The following LMNTD1 variants were observed in gnomAD, a reference collection of about 807,000 sequenced individuals.
The protein encoded by LMNTD1 is lamin tail domain containing 1, also known as lamin tail domain-containing protein 1.
A neutral mutation model predicts 50.9 loss-of-function variants in LMNTD1; 35 were observed. The observed-to-expected ratio is 0.69, with a 90% CI of 0.53 to 0.91. The LOEUF is 0.91. Ranked by LOEUF, LMNTD1 falls within the 40% of genes least tolerant of loss-of-function variation. LMNTD1 has a pLI of 0.00. For missense variants in LMNTD1, 470 were observed against 475.5 expected, an observed-to-expected ratio of 0.99 and a Z score of 0.11; for synonymous variants, 153 against 161.9, an observed-to-expected ratio of 0.94 and a Z score of 0.42.
chr12:25,549,580 TAAGA>T, intron 2 of LMNTD1, 34 bp from the exon 3 acceptor site: 3 of 1,224,690 alleles, frequency 2.4e-6, no homozygotes, highest in Non-Finnish European at 3.4e-6. Context: ...AATAAATAAA[TAAGA>T]AAGTAAAAGT....
Position 25,553,276 on chromosome 12 carries a change from A to G in LMNTD1, c.-238T>C. The G allele has an allele frequency of 6.9e-7, 1 of 1,443,374 alleles. No homozygotes were observed. The highest frequency in any genetic ancestry group is 1.5e-5 in the South Asian group (1 of 66,428). The allele number at this position is 1,443,374 out of a possible 1,614,324, so 89.4% of individuals were successfully genotyped here. A position where few individuals can be genotyped will look rare whatever the true frequency, so the allele number is the denominator to read the frequency against. ...GCAGTAACTTGGCAAAGAGACCTTT[A>G]TGACTACAGTTGTTGCTTCTGGCCA... On this transcript the variant is annotated 5_prime_UTR_variant, in exon 1 of 10. Transcript: ENST00000458174.
intron 8 of LMNTD1, among the ~76,000 whole-genome samples, chr12:25,506,875 C>CTTAT (rs925772233): frequency 5.9e-5 from 9 of 151,658 alleles, no homozygotes; most frequent in Admixed American, 2.6e-4. Flanking sequence ...TTTGCATTAT[C>CTTAT]TTATTTATTT....
At chr12:25,487,485 T>C (rs1299545634) in intron 9 of LMNTD1, among the ~76,000 whole-genome samples, 1 of 141,778 alleles carries the variant, frequency 7.1e-6, no homozygotes, top group Non-Finnish European at 1.5e-5. Flanking sequence ...TCCATTTGCT[T>C]GGTAGATCTT....
At chr12:25,531,576 T>A (rs528477223) in intron 4 of LMNTD1, among the ~76,000 whole-genome samples, 1 of 152,332 alleles carries the variant, frequency 6.6e-6, no homozygotes, top group East Asian at 1.9e-4. Context: ...TAAAAAGTGT[T>A]TTTGTTTTTG....
chr12:25,502,331 T>C (rs974500401), intron 9 of LMNTD1, among the ~76,000 whole-genome samples: 3 of 152,178 alleles, frequency 2.0e-5, no homozygotes, highest in Non-Finnish European at 2.9e-5. Flanking sequence ...AATCAAATTA[T>C]GGAAGTGCTG....
intron 1 of LMNTD1, among the ~76,000 whole-genome samples, chr12:25,563,737 C>A (rs571194530): frequency 6.6e-6 from 1 of 152,202 alleles, no homozygotes; most frequent in Non-Finnish European, 1.5e-5. Context: ...TGCCCTGCCC[C>A]CAGGGGTGTA....
chr12:25,499,027 T>G (rs927078312), intron 9 of LMNTD1, among the ~76,000 whole-genome samples: 10 of 152,236 alleles, frequency 6.6e-5, no homozygotes, highest in Non-Finnish European at 1.0e-4. Flanking sequence ...TCATCAGGTC[T>G]TGATCATACT....
At chr12:25,633,532 A>C (rs2136603496) in intron 1 of LMNTD1, among the ~76,000 whole-genome samples, 1 of 152,320 alleles carries the variant, frequency 6.6e-6, no homozygotes, top group South Asian at 2.1e-4. Context: ...AACCTTCAAA[A>C]CCAAGCAAAC....
intron 1 of LMNTD1, among the ~76,000 whole-genome samples, chr12:25,643,605 G>A (rs186277527): frequency 2.0e-5 from 3 of 152,220 alleles, no homozygotes; most frequent in Non-Finnish European, 2.9e-5. Context: ...TTTTTAAACC[G>A]ATTGCTGACA....
intron 1 of LMNTD1, among the ~76,000 whole-genome samples, chr12:25,561,874 C>A (rs1464543232): frequency 6.6e-6 from 1 of 152,110 alleles, no homozygotes; most frequent in Non-Finnish European, 1.5e-5. Flanking sequence ...TTGAATTGAT[C>A]CCATTACCAT....
Position 25,622,468 on chromosome 12 carries a change from C to A in LMNTD1, c.58+26026G>T, listed in dbSNP as rs997718105. On this transcript the variant is annotated intron_variant, in intron 1 of 7. Coordinates refer to the LMNTD1 transcript ENST00000445693. ...CCTTGACCTTGAGTTTGTGAGCCCG[C>A]CCCCCCCCGCAAAATAATATCAACA... Among the ~76,000 whole-genome samples, 9 of 96,010 alleles carry A rather than the reference C, an allele frequency of 9.4e-5. 1 individual carries two copies. Among genetic ancestry groups the A allele is most frequent in the African/African-American group, 2.3e-4 (7 of 29,924 alleles). 63.0% of individuals were successfully genotyped at this position (96,010 alleles called of 152,430 possible). A position where few individuals can be genotyped will look rare whatever the true frequency, so the allele number is the denominator to read the frequency against.
At chr12:25,541,869 T>A (rs1943102544) in intron 4 of LMNTD1, among the ~76,000 whole-genome samples, 1 of 145,656 alleles carries the variant, frequency 6.9e-6, no homozygotes. Flanking sequence ...TCAAACAAAT[T>A]TACAAGAAAA....
At chr12:25,513,601 A>G (rs1591861308) in intron 8 of LMNTD1, among the ~76,000 whole-genome samples, 1 of 152,332 alleles carries the variant, frequency 6.6e-6, no homozygotes, top group East Asian at 1.9e-4. Context: ...GTGCTACTGC[A>G]CTCCAGCTAC....
intron 8 of LMNTD1, among the ~76,000 whole-genome samples, chr12:25,513,231 A>G (rs530016913): frequency 8.5e-5 from 13 of 152,388 alleles, no homozygotes; most frequent in South Asian, 6.2e-4. Flanking sequence ...AAAGTTGGCC[A>G]TGCTCATTGG....
intron 1 of LMNTD1, among the ~76,000 whole-genome samples, chr12:25,644,957 G>C (rs1180634481): frequency 4.6e-5 from 7 of 152,206 alleles, no homozygotes; most frequent in Non-Finnish European, 7.4e-5. Context: ...TAAGTCATCA[G>C]CTATGAATAG....
At position 25,539,340 on chromosome 12, in the gene LMNTD1, G is replaced by C. The variant is rs1027596500; in HGVS notation, c.491+7034C>G. ...TACTTGGAAGTAAAGCTCTCCTCAG[G>C]AAATGTAAAAGAACAGACATTATGA... On this transcript the variant is annotated intron_variant, in intron 4 of 9. Coordinates refer to ENST00000458174, the MANE Select transcript of LMNTD1 (RefSeq NM_001145728.2). Among the ~76,000 whole-genome samples, 706 of 151,954 alleles carry C rather than the reference G, an allele frequency of 4.6e-3. 8 individuals are homozygous for C. The highest frequency in any genetic ancestry group is 0.015 in the African/African-American group (625 of 41,330).
At chr12:25,616,537 CAG>C (rs1257584675) in intron 1 of LMNTD1, among the ~76,000 whole-genome samples, 1 of 152,082 alleles carries the variant, frequency 6.6e-6, no homozygotes, top group African/African-American at 2.4e-5. Flanking sequence ...AAGGAGGGGG[CAG>C]AGTAGAAGGG....
chr12:25,489,198 TG>T (rs1453145760), intron 9 of LMNTD1, among the ~76,000 whole-genome samples: 3 of 151,902 alleles, frequency 2.0e-5, no homozygotes, highest in Non-Finnish European at 4.4e-5. Context: ...TAAGCAAGCC[TG>T]GGCAATGGCG....
chr12:25,522,037 T>C (rs1442581486), intron 6 of LMNTD1, among the ~76,000 whole-genome samples: 1 of 152,212 alleles, frequency 6.6e-6, no homozygotes, highest in Non-Finnish European at 1.5e-5. Context: ...AATTAGAGGT[T>C]TGGACTTCAC....
Sources: gnomAD v4.1 joint callset for allele counts (sites outside exome capture counted in the v4.1 genomes callset) on GRCh38, gnomAD v4.1.1 for gene constraint, MANE v1.5 for transcripts, NCBI Gene and HGNC (gene_info 2026-07-23, HGNC 2026-07-21) for gene names.